Variants in KCNMA1 observed in about 807,000 individuals in gnomAD.
KCNMA1 encodes the protein potassium calcium-activated channel subfamily M alpha 1.
A neutral mutation model predicts 140.0 loss-of-function variants in KCNMA1; 29 were observed. The ratio of observed to expected loss-of-function variants is 0.21; its 90% CI spans 0.15 to 0.28. The LOEUF is 0.28. Among genes scored for constraint, KCNMA1 ranks in the 10% least tolerant of loss-of-function variants. KCNMA1 has a pLI of 1.00. For missense variants in KCNMA1, 880 were observed against 1,602.2 expected (o/e 0.55, Z 7.70); for synonymous variants, 612 against 611.9 (o/e 1.00, Z 0.00).
At position 77,637,387 on chromosome 10, in the gene KCNMA1, T is replaced by A. The variant is rs754652887; in HGVS notation, c.256A>T (p.Met86Leu). 6.2e-7 allele frequency: 1 copy of A among 1,613,868 alleles called. No homozygotes were observed. The highest frequency in any genetic ancestry group is 1.1e-5 in the South Asian group (1 of 91,004). Residue 86 changes from methionine to leucine, a missense_variant, in exon 1 of 28, where the codon ATG (methionine) becomes TTG (leucine). Met to Leu is a conservative substitution (Grantham distance 15). This residue lies in a region of KCNMA1 where 31 missense variants were observed against 75.0 expected (regional missense o/e 0.41). Transcript: ENST00000286628. ...EVPCDSRGQR[M>L]WWAFLASSMV... ...GAGGAGGCCAGGAAAGCCCACCACATGCGTTGGCCCCGGCTGTCGCACGGC... is the reference window on the plus strand; with the variant it reads ...GAGGAGGCCAGGAAAGCCCACCACAAGCGTTGGCCCCGGCTGTCGCACGGC...
intron 19 of KCNMA1, among the ~76,000 whole-genome samples, chr10:76,987,640 G>A (rs1462669564): frequency 6.6e-6 from 1 of 152,154 alleles, no homozygotes; most frequent in East Asian, 1.9e-4. Context: ...CTGAAGGATG[G>A]GTAAGTTTTA....
In KCNMA1 at chr10:77,637,464, G is replaced by C. The variant is rs768769748; in HGVS notation, c.179C>G (p.Ser60Trp). The C allele has an allele frequency of 1.2e-6, 2 of 1,611,322 alleles. No homozygotes were observed. Among genetic ancestry groups the C allele is most frequent in the Admixed American group, 1.7e-5 (1 of 59,806 alleles). Residue 60 changes from serine (S) to tryptophan (W), a missense_variant, in exon 1 of 28, where the codon TCG (serine) becomes TGG (tryptophan). Physicochemically the swap from Ser to Trp is radical, Grantham distance 177 (BLOSUM62 -3). Coordinates refer to ENST00000286628, the MANE Select transcript of KCNMA1 (RefSeq NM_001161352.2). ...CGCATCCATCTTGGGCTCGTGGACC[G>C]AGGACGAGGAGGAAGAGGAGGAGGA... is the stretch of plus-strand genomic sequence containing the variant. ...SSSSSSSSSS[S>W]VHEPKMDALI... is the part of the protein sequence containing the mutation.
chr10:77,340,302 G>A, intron 2 of KCNMA1, among the ~76,000 whole-genome samples: 1 of 152,130 alleles, frequency 6.6e-6, no homozygotes, highest in East Asian at 1.9e-4. Context: ...AAGACAGTGT[G>A]GCAATTCTTC....
At chr10:77,311,347 G>A (rs2079225762) in intron 2 of KCNMA1, among the ~76,000 whole-genome samples, 2 of 152,140 alleles carry the variant, frequency 1.3e-5, no homozygotes, top group South Asian at 4.1e-4. Flanking sequence ...CAGTTGGGGA[G>A]AGCGAACTCA....
At chr10:76,876,558 G>C (rs1024352714), downstream of KCNMA1, 3 of 152,522 alleles carry the variant, frequency 2.0e-5, no homozygotes, top group Non-Finnish European at 4.4e-5. Context: ...TTTTCTAACA[G>C]TCTATATGAA....
At chr10:76,875,967 T>C (rs2032305637), downstream of KCNMA1, 1 of 152,694 alleles carries the variant, frequency 6.5e-6, no homozygotes, top group Middle Eastern at 3.4e-3. Context: ...TTTATAGAAC[T>C]AATTCTACAA....
intron 2 of KCNMA1, among the ~76,000 whole-genome samples, chr10:77,259,127 C>T (rs1351443091): frequency 6.6e-6 from 1 of 152,118 alleles, no homozygotes; most frequent in Admixed American, 6.5e-5. Context: ...TATGGAAGCA[C>T]ATGCACAAAA....
intron 1 of KCNMA1, among the ~76,000 whole-genome samples, chr10:77,446,165 C>G (rs1351628674): frequency 6.6e-6 from 1 of 152,158 alleles, no homozygotes; most frequent in African/African-American, 2.4e-5. Context: ...GTTCGGTGTC[C>G]CACTCTTACA....
At chr10:77,440,310 T>A (rs1206885762) in intron 1 of KCNMA1, among the ~76,000 whole-genome samples, 3 of 152,174 alleles carry the variant, frequency 2.0e-5, no homozygotes, top group Non-Finnish European at 4.4e-5. Context: ...ACAAGGTGGG[T>A]GTGACTTTTA....
At chr10:77,595,127 C>G (rs78588986) in intron 1 of KCNMA1, among the ~76,000 whole-genome samples, 1 of 152,172 alleles carries the variant, frequency 6.6e-6, no homozygotes, top group Non-Finnish European at 1.5e-5. Context: ...GGGCAGATCA[C>G]GTGAGGTGAG....
intron 1 of KCNMA1, among the ~76,000 whole-genome samples, chr10:77,458,662 G>A (rs1364052508): frequency 6.6e-6 from 1 of 152,150 alleles, no homozygotes; most frequent in Non-Finnish European, 1.5e-5. Context: ...GAACCAGCTG[G>A]GGAGTGGGGA....
At chr10:77,050,133 T>C (rs2095302465) in intron 14 of KCNMA1, among the ~76,000 whole-genome samples, 1 of 152,110 alleles carries the variant, frequency 6.6e-6, no homozygotes, top group African/African-American at 2.4e-5. Flanking sequence ...CCTTGTCTTC[T>C]CCTTGTCTTC....
chr10:77,495,579 G>GA (rs2041607629), intron 1 of KCNMA1, among the ~76,000 whole-genome samples: 1 of 152,204 alleles, frequency 6.6e-6, no homozygotes, highest in Admixed American at 6.5e-5. Flanking sequence ...ATGAAAGGGA[G>GA]AAAAAACGAA....
intron 14 of KCNMA1, among the ~76,000 whole-genome samples, chr10:77,070,693 C>T (rs2096167310): frequency 6.6e-6 from 1 of 152,080 alleles, no homozygotes; most frequent in South Asian, 2.1e-4. Context: ...CCACCCCCAA[C>T]AAAAGTAAGT....
At chr10:77,427,729 A>T (rs981110514) in intron 1 of KCNMA1, among the ~76,000 whole-genome samples, 1 of 143,202 alleles carries the variant, frequency 7.0e-6, no homozygotes, top group African/African-American at 2.8e-5. Flanking sequence ...TCATTTATTT[A>T]TTTATTTATT....
chr10:77,225,190 G>A (rs2050920308), intron 3 of KCNMA1, among the ~76,000 whole-genome samples: 1 of 152,176 alleles, frequency 6.6e-6, no homozygotes, highest in South Asian at 2.1e-4. Context: ...AGGCACACTG[G>A]CCAGAGAGAA....
At chr10:77,499,895 G>A (rs1003933313) in intron 1 of KCNMA1, among the ~76,000 whole-genome samples, 2 of 151,978 alleles carry the variant, frequency 1.3e-5, no homozygotes, top group African/African-American at 4.8e-5. Context: ...ATAATAATAA[G>A]TAGAAGTTTT....
At position 77,192,298 on chromosome 10, in the gene KCNMA1, T is replaced by A. The variant is rs543402428; in HGVS notation, c.603-7382A>T. Among the ~76,000 whole-genome samples, 6 of 152,290 alleles carry A rather than the reference T, an allele frequency of 3.9e-5. No individual in the cohort carries two copies. The East Asian group carries it at 1.2e-3, about 29-fold the overall frequency. ...AGAAACTCAGGTGGCGAGAACCCTT[T>A]TGTTTGTTATGAAGTTCTTTTAAAT... is the stretch of plus-strand genomic sequence containing the variant. On this transcript the variant is annotated intron_variant, in intron 3 of 27. Transcript: ENST00000286628.
chr10:77,634,729 G>A (rs1006868140), intron 1 of KCNMA1: 14 of 814,306 alleles, frequency 1.7e-5, no homozygotes, highest in East Asian at 1.3e-4. Context: ...CCTGTGTATC[G>A]AGTCTTGACA....
Sources: allele counts gnomAD v4.1 joint callset (sites outside exome capture counted in the v4.1 genomes callset), GRCh38; gene constraint gnomAD v4.1.1; regional missense constraint gnomAD v4.1.1; transcripts MANE v1.5; gene names NCBI Gene and HGNC (gene_info 2026-07-23, HGNC 2026-07-21).